Variants in PDK1 observed in about 807,000 individuals in gnomAD.
PDK1 encodes the protein [Pyruvate dehydrogenase (acetyl-transferring)] kinase isozyme 1, mitochondrial.
Under a neutral mutation model 54.2 loss-of-function variants are expected in PDK1, and 39 were observed. The ratio of observed to expected loss-of-function variants is 0.72; its 90% CI spans 0.56 to 0.94. The LOEUF (loss-of-function observed/expected upper bound fraction) is 0.94, where lower values mean the gene tolerates loss of function less well. PDK1 is among the 40% of genes least tolerant of loss of function. The pLI, the probability that PDK1 is intolerant of heterozygous loss-of-function variation, is 0.00. For synonymous variants in PDK1, 221 were observed against 207.1 expected, an observed-to-expected ratio of 1.07 and a Z score of -0.58; for missense variants, 552 against 566.0, an observed-to-expected ratio of 0.98 and a Z score of 0.25.
chr2:172,689,253 G>A, the PDK1 span, among the ~76,000 whole-genome samples: 2 of 152,148 alleles, frequency 1.3e-5, no homozygotes, highest in Non-Finnish European at 2.9e-5. Flanking sequence ...TTTTTACAGA[G>A]CACTGATTGG....
At chr2:172,679,792 AG>A in the PDK1 span, among the ~76,000 whole-genome samples, 1 of 152,190 alleles carries the variant, frequency 6.6e-6, no homozygotes, top group African/African-American at 2.4e-5. Context: ...AAGAAAGAAA[AG>A]AAGGTAATAA....
chr2:172,718,392 A>G, the PDK1 span, among the ~76,000 whole-genome samples: 5 of 152,336 alleles, frequency 3.3e-5, no homozygotes, highest in Middle Eastern at 0.01. Flanking sequence ...TTTTGTTACA[A>G]TTTTCATTTT....
intron 2 of PDK1, 76 bp downstream of exon 2, chr2:172,558,925 T>A (rs1185856434): frequency 7.5e-7 from 1 of 1,327,706 alleles, no homozygotes; most frequent in African/African-American, 1.5e-5. Context: ...TGCTTTTTTT[T>A]ACTCTTTGGT....
chr2:172,609,462 G>A (rs1478309299), downstream of PDK1, among the ~76,000 whole-genome samples: 2 of 152,082 alleles, frequency 1.3e-5, no homozygotes, highest in Non-Finnish European at 1.5e-5. Context: ...ACTTTTCTCA[G>A]GTGCATTCTA....
chr2:172,636,582 A>G, the PDK1 span, among the ~76,000 whole-genome samples: 1 of 152,028 alleles, frequency 6.6e-6, no homozygotes, highest in African/African-American at 2.4e-5. Context: ...TTAGCTGGGC[A>G]TGGTGGTGGG....
At chr2:172,649,168 G>A in the PDK1 span, among the ~76,000 whole-genome samples, 7 of 152,308 alleles carry the variant, frequency 4.6e-5, no homozygotes, top group African/African-American at 7.2e-5. Flanking sequence ...AACATCTGCC[G>A]TTCTGCAATA....
At chr2:172,696,145 C>T in the PDK1 span, among the ~76,000 whole-genome samples, 5 of 139,516 alleles carry the variant, frequency 3.6e-5, no homozygotes, top group African/African-American at 1.3e-4. Context: ...GCACTCCAGC[C>T]TGGGCAACAA....
upstream of PDK1, chr2:172,555,841 CG>C: frequency 3.8e-6 from 1 of 265,000 alleles, no homozygotes; most frequent in Non-Finnish European, 7.1e-6. Flanking sequence ...CACACCTCGC[CG>C]GCTGGGGCGG....
the PDK1 span, among the ~76,000 whole-genome samples, chr2:172,639,262 A>G: frequency 6.6e-6 from 1 of 152,190 alleles, no homozygotes; most frequent in African/African-American, 2.4e-5. Context: ...GGCCTTAAAC[A>G]CTATGTAGCC....
In PDK1 at chr2:172,586,227, T is replaced by G; in HGVS notation, c.946-51T>G. 3 of 1,045,164 alleles carry G rather than the reference T, an allele frequency of 2.9e-6. No individual in the cohort carries two copies. The Admixed American group carries it at 5.1e-5, about 18-fold the overall frequency. The allele number at this position is 1,045,164 out of a possible 1,614,324, so 64.7% of individuals were successfully genotyped here. A position where few individuals can be genotyped will look rare whatever the true frequency, so the allele number is the denominator to read the frequency against. ...TGATGCTATGAGTATGTGTTGATAT[T>G]TTGCTGTTTTGAGGATTTGGGCATA... On this transcript the variant is annotated intron_variant, in intron 8 of 10. Transcript: ENST00000282077.
chr2:172,623,274 A>G, the PDK1 span, among the ~76,000 whole-genome samples: 14 of 152,300 alleles, frequency 9.2e-5, 1 homozygote, highest in Admixed American at 7.8e-4. Context: ...CACTAAGTGT[A>G]CAGAGTGCCT....
At chr2:172,714,408 A>G in the PDK1 span, among the ~76,000 whole-genome samples, 1 of 152,084 alleles carries the variant, frequency 6.6e-6, no homozygotes, top group Non-Finnish European at 1.5e-5. Flanking sequence ...ATTTAACTTT[A>G]CCCACAAAAT....
At position 172,556,182 on chromosome 2, in the gene PDK1, C is replaced by T. The variant is rs1377518082; in HGVS notation, c.32C>T (p.Ala11Val). 7.0e-7 allele frequency: 1 copy of T among 1,421,180 alleles called. No individual in the cohort carries two copies. Among genetic ancestry groups the T allele is most frequent in the African/African-American group, 1.5e-5 (1 of 66,596 alleles). The allele number at this position is 1,421,180 out of a possible 1,614,324, so 88.0% of individuals were successfully genotyped here. Reference protein sequence around the residue: MRLARLLRGAALAGPGPGLRA... With the variant: MRLARLLRGAVLAGPGPGLRA... ...CTGGCGCGGCTGCTTCGCGGAGCCG[C>T]CTTGGCCGGCCCGGGCCCGGGGCTG... Residue 11 changes from alanine (A) to valine (V), a missense_variant, in exon 1 of 11, where the codon GCC (alanine) becomes GTC (valine). Transcript: ENST00000282077.
chr2:172,558,015 A>T (rs895695681), intron 1 of PDK1: 1 of 151,938 alleles, frequency 6.6e-6, no homozygotes, highest in East Asian at 1.9e-4. Context: ...TTTTCTGTAT[A>T]TGTGAGGTCT....
At chr2:172,623,560 T>A in the PDK1 span, among the ~76,000 whole-genome samples, 1 of 152,208 alleles carries the variant, frequency 6.6e-6, no homozygotes, top group East Asian at 1.9e-4. Flanking sequence ...TTATGATATG[T>A]AGTAATAAAA....
chr2:172,722,618 G>C, the PDK1 span, among the ~76,000 whole-genome samples: 1 of 152,176 alleles, frequency 6.6e-6, no homozygotes, highest in Non-Finnish European at 1.5e-5. Context: ...GCAGTGTCCA[G>C]GCTAATAGAA....
chr2:172,646,735 CTT>C, the PDK1 span, among the ~76,000 whole-genome samples: 28 of 72,050 alleles, frequency 3.9e-4, 1 homozygote, highest in Non-Finnish European at 5.7e-4. Context: ...CTTGCATTTC[CTT>C]TTTTTTTTTT....
the PDK1 span, among the ~76,000 whole-genome samples, chr2:172,677,906 C>T: frequency 6.6e-6 from 1 of 152,188 alleles, no homozygotes; most frequent in African/African-American, 2.4e-5. Context: ...CGGTAGCTCA[C>T]GCCTGTAATC....
At chr2:172,556,046 C>A, upstream of PDK1, 1 of 863,944 alleles carries the variant, frequency 1.2e-6, no homozygotes, top group Non-Finnish European at 1.6e-6. Flanking sequence ...GCGCCGGTGA[C>A]AGCCGATCCC....
Sources: allele counts gnomAD v4.1 joint callset (sites outside exome capture counted in the v4.1 genomes callset), GRCh38; gene constraint gnomAD v4.1.1; transcripts MANE v1.5; gene names NCBI Gene and HGNC (gene_info 2026-07-23, HGNC 2026-07-21).